RBMS3: variants seen among roughly 807,000 people sequenced by gnomAD.
The protein encoded by RBMS3 is RNA binding motif single stranded interacting protein 3.
RBMS3 carries 27 observed loss-of-function variants against 66.8 expected under a neutral mutation model. That is an observed-to-expected ratio of 0.40 (90% CI 0.30 to 0.56). The LOEUF (loss-of-function observed/expected upper bound fraction) is 0.56, where lower values mean the gene tolerates loss of function less well. RBMS3 is among the 20% of genes least tolerant of loss of function. The probability of loss-of-function intolerance (pLI) is 0.40; values close to 1 mark genes in which losing one functional copy is unlikely to be tolerated. For synonymous variants in RBMS3, 188 were observed against 183.0 expected (o/e 1.03, Z -0.22); for missense variants, 513 against 549.5 (o/e 0.93, Z 0.66).
At chr3:29,361,116 T>G (rs2037557719) in intron 1 of RBMS3, among the ~76,000 whole-genome samples, 1 of 152,092 alleles carries the variant, frequency 6.6e-6, no homozygotes, top group African/African-American at 2.4e-5. Context: ...ATTTTGCTCG[T>G]TACTTGAAGC....
At chr3:29,880,922 T>C in intron 7 of RBMS3, 2 of 1,225,570 alleles carry the variant, frequency 1.6e-6, no homozygotes, top group Non-Finnish European at 2.3e-6. Flanking sequence ...TACTCATTCC[T>C]CTGGATTTAC....
At chr3:29,436,715 G>C (rs886992336) in intron 2 of RBMS3, among the ~76,000 whole-genome samples, 5 of 152,144 alleles carry the variant, frequency 3.3e-5, no homozygotes, top group African/African-American at 1.2e-4. Flanking sequence ...TTAGGGAAAG[G>C]TTCTTTCTTA....
At chr3:29,455,576 AATAG>A (rs1428014734) in intron 2 of RBMS3, among the ~76,000 whole-genome samples, 1 of 152,194 alleles carries the variant, frequency 6.6e-6, no homozygotes, top group Non-Finnish European at 1.5e-5. Context: ...ACACCTACTT[AATAG>A]ATATTGTTAA....
chr3:29,811,547 G>A (rs1432473764), intron 6 of RBMS3, among the ~76,000 whole-genome samples: 1 of 152,112 alleles, frequency 6.6e-6, no homozygotes, highest in Non-Finnish European at 1.5e-5. Flanking sequence ...TACATTCTAA[G>A]GTCTCATAGG....
At chr3:29,781,762 C>T (rs1280654986) in intron 6 of RBMS3, among the ~76,000 whole-genome samples, 5 of 151,836 alleles carry the variant, frequency 3.3e-5, no homozygotes, top group Admixed American at 6.6e-5. Flanking sequence ...TCACTGGCTG[C>T]CTGGAAATAG....
chr3:29,397,675 G>A (rs1395353419), intron 1 of RBMS3, among the ~76,000 whole-genome samples: 2 of 151,764 alleles, frequency 1.3e-5, no homozygotes, highest in Non-Finnish European at 2.9e-5. Context: ...TCTTCAACTT[G>A]CTCTTCACCC....
chr3:29,572,886 T>C (rs935349379), intron 3 of RBMS3, among the ~76,000 whole-genome samples: 5 of 152,218 alleles, frequency 3.3e-5, no homozygotes, highest in African/African-American at 1.2e-4. Flanking sequence ...AGTGAATCTG[T>C]TGGGTCCTGG....
At chr3:29,911,714 T>G (rs1298913438) in intron 10 of RBMS3, among the ~76,000 whole-genome samples, 1 of 152,026 alleles carries the variant, frequency 6.6e-6, no homozygotes, top group Non-Finnish European at 1.5e-5. Flanking sequence ...AACAAATGCT[T>G]CGTTGCTAAG....
intron 1 of RBMS3, among the ~76,000 whole-genome samples, chr3:29,414,861 G>C (rs2040415963): frequency 6.6e-6 from 1 of 152,290 alleles, no homozygotes; most frequent in South Asian, 2.1e-4. Context: ...GCTACAGTGA[G>C]CAATTATCCC....
intron 1 of RBMS3, among the ~76,000 whole-genome samples, chr3:29,292,431 T>G (rs1354890584): frequency 6.6e-6 from 1 of 151,860 alleles, no homozygotes; most frequent in Non-Finnish European, 1.5e-5. Flanking sequence ...ATAACTACTA[T>G]TTTTTTACTT....
chr3:29,770,170 C>A (rs1030381190), intron 6 of RBMS3, among the ~76,000 whole-genome samples: 4 of 151,884 alleles, frequency 2.6e-5, no homozygotes, highest in Non-Finnish European at 5.9e-5. Flanking sequence ...GCCACTGGAG[C>A]TAGTTAAGCA....
In RBMS3 at chr3:29,328,439, T is replaced by C. The variant is rs2035465737; in HGVS notation, c.75+46683T>C. 2.0e-5 allele frequency among the ~76,000 whole-genome samples: 3 copies of C among 152,178 alleles called. No homozygotes were observed. In the South Asian group the frequency reaches 6.2e-4, roughly 31 times the overall value. On this transcript the variant is annotated intron_variant, in intron 1 of 14. Coordinates refer to ENST00000383767, the MANE Select transcript of RBMS3 (RefSeq NM_001003793.3). ...ATTGGTATTACACAGTTTCTTTCAA[T>C]TCCACCATCCCTACCACCCACCCAA...
chr3:29,986,866 C>T (rs1197423980), intron 12 of RBMS3, among the ~76,000 whole-genome samples: 2 of 152,234 alleles, frequency 1.3e-5, no homozygotes, highest in East Asian at 3.9e-4. Context: ...TCGCTTGAAC[C>T]CTGGAGGCAG....
intron 4 of RBMS3, among the ~76,000 whole-genome samples, chr3:29,627,776 G>GA (rs955677719): frequency 5.9e-5 from 9 of 152,130 alleles, no homozygotes; most frequent in African/African-American, 2.2e-4. Context: ...GCATATTTGT[G>GA]AAAAGAAGAG....
At chr3:29,890,013 G>T (rs578120646) in intron 8 of RBMS3, among the ~76,000 whole-genome samples, 1 of 151,692 alleles carries the variant, frequency 6.6e-6, no homozygotes, top group South Asian at 2.1e-4. Flanking sequence ...TGGAAGGCTT[G>T]GACTATGCAT....
At chr3:29,476,869 A>G (rs893646989) in intron 2 of RBMS3, among the ~76,000 whole-genome samples, 8 of 152,196 alleles carry the variant, frequency 5.3e-5, no homozygotes, top group Non-Finnish European at 8.8e-5. Flanking sequence ...GTATTACTTA[A>G]TCACAGAAAT....
At chr3:29,284,723 T>C (rs1319846538) in intron 1 of RBMS3, among the ~76,000 whole-genome samples, 1 of 152,060 alleles carries the variant, frequency 6.6e-6, no homozygotes, top group Non-Finnish European at 1.5e-5. Context: ...TAGAAAAATA[T>C]ACATGTAAGT....
At chr3:29,505,364 T>C (rs1407583262) in intron 3 of RBMS3, among the ~76,000 whole-genome samples, 1 of 152,030 alleles carries the variant, frequency 6.6e-6, no homozygotes, top group African/African-American at 2.4e-5. Context: ...CTCAATTGAC[T>C]GTAATCACAT....
chr3:29,836,735 G>T (rs145946799), intron 6 of RBMS3, among the ~76,000 whole-genome samples: 8 of 151,672 alleles, frequency 5.3e-5, no homozygotes, highest in African/African-American at 1.7e-4. Context: ...ATGTAACTAT[G>T]TGAGAGATAT....
Sources: gnomAD v4.1 joint callset for allele counts (sites outside exome capture counted in the v4.1 genomes callset) on GRCh38, gnomAD v4.1.1 for gene constraint, MANE v1.5 for transcripts, NCBI Gene and HGNC (gene_info 2026-07-23, HGNC 2026-07-21) for gene names.